The following TRPV3 variants were observed in gnomAD, a reference collection of about 807,000 sequenced individuals.
The protein encoded by TRPV3 is transient receptor potential cation channel subfamily V member 3, also known as VRL-3.
A neutral mutation model predicts 87.1 loss-of-function variants in TRPV3; 88 were observed. The observed-to-expected ratio is 1.01, with a 90% CI of 0.85 to 1.21. The LOEUF is 1.21. Among genes scored for constraint, TRPV3 ranks in the 50% most tolerant of loss-of-function variants. The pLI is 0.00. For missense variants in TRPV3, 1,054 were observed against 1,030.1 expected (o/e 1.02, Z -0.32); for synonymous variants, 438 against 423.3 (o/e 1.03, Z -0.43).
intron 12 of TRPV3, among the ~76,000 whole-genome samples, chr17:3,526,633 C>T (rs371241589): frequency 2.0e-4 from 31 of 152,300 alleles, no homozygotes; most frequent in Middle Eastern, 3.4e-3. Flanking sequence ...CAGGCGTGAG[C>T]CACTGGGCCC....
At chr17:3,534,403 A>G (rs2074380294) in intron 7 of TRPV3, among the ~76,000 whole-genome samples, 1 of 152,076 alleles carries the variant, frequency 6.6e-6, no homozygotes, top group Middle Eastern at 3.2e-3. Context: ...AAAAAAATAA[A>G]AATAAAAAAA....
intron 6 of TRPV3, among the ~76,000 whole-genome samples, chr17:3,540,721 C>G (rs1158945963): frequency 1.3e-5 from 2 of 152,170 alleles, no homozygotes; most frequent in African/African-American, 4.8e-5. Context: ...ACAAAGGGGA[C>G]TGAAAAGGGA....
rs1349416201 is a variant in TRPV3 at position 3,530,205 on chromosome 17, T to C, written c.1066-2A>G. ...ACGACTGAGGATGTACTTCAGGATC[T>C]GGGACAGGAGGAGGAACAACCATCA... is the stretch of plus-strand genomic sequence containing the variant. On this transcript the variant is annotated splice_acceptor_variant, in intron 8 of 17. Transcript: ENST00000576742. LOFTEE classifies it high-confidence loss of function. The surrounding 1 kb of genome is among the most constrained non-coding windows in gnomAD (Gnocchi z 4.0). 5 of 1,609,670 alleles carry C rather than the reference T, an allele frequency of 3.1e-6. No homozygotes were observed. The South Asian group carries it at 5.5e-5, about 18-fold the overall frequency.
chr17:3,547,306 A>G (rs1484232733), intron 2 of TRPV3, among the ~76,000 whole-genome samples: 4 of 152,190 alleles, frequency 2.6e-5, no homozygotes, highest in Admixed American at 2.6e-4. Flanking sequence ...GCTGTTTGTC[A>G]CAGCAGAAAA....
chr17:3,524,974 T>A (rs2074282580), intron 12 of TRPV3, among the ~76,000 whole-genome samples: 1 of 152,106 alleles, frequency 6.6e-6, no homozygotes, highest in African/African-American at 2.4e-5. Flanking sequence ...AAGCCAATCA[T>A]AGCAAAAGTC....
At position 3,551,614 on chromosome 17, in the gene TRPV3, G is replaced by A. The variant is rs139266795; in HGVS notation, c.119+3118C>T. Among the ~76,000 whole-genome samples the A allele has an allele frequency of 1.1e-3, 175 of 152,312 alleles. 1 individual carries two copies. Among genetic ancestry groups the A allele is most frequent in the African/African-American group, 4.1e-3 (169 of 41,574 alleles). On this transcript the variant is annotated intron_variant, in intron 2 of 17. Coordinates refer to ENST00000576742, the MANE Select transcript of TRPV3 (RefSeq NM_145068.4). ...TTGCTTTGTGCCAAGAAATGCCCAA[G>A]TGTTCTGGGCTCTGCAAGGCCAGTG...
At position 3,545,286 on chromosome 17, in the gene TRPV3, A is replaced by G; in HGVS notation, c.120-15T>C. The G allele has an allele frequency of 6.3e-7, 1 of 1,598,250 alleles. No homozygotes were observed. Among genetic ancestry groups the G allele is most frequent in the East Asian group, 2.2e-5 (1 of 44,768 alleles). ...AGAAGTGTGCACTGAGGGAACACGG[A>G]GGAAGCCTGTTAGGGCCGAGCCAGG... is the stretch of plus-strand genomic sequence containing the variant. On this transcript the variant is annotated splice_polypyrimidine_tract_variant and intron_variant, in intron 2 of 17. Coordinates refer to ENST00000576742, the MANE Select transcript of TRPV3 (RefSeq NM_145068.4).
rs2074641466 is a variant in TRPV3 at position 3,557,266 on chromosome 17, C to A, written c.-3+410G>T. ...ACTCAGCACCTGTGAGATGCCTGGG[C>A]CCCGTCTGTCTCCCACGGTGGGGCC... On this transcript the variant is annotated intron_variant, in intron 1 of 17. Coordinates refer to ENST00000576742, the MANE Select transcript of TRPV3 (RefSeq NM_145068.4). This position sits in a 1 kb window ranked among gnomAD's most constrained non-coding sequence, Gnocchi z 4.5. Among the ~76,000 whole-genome samples the A allele has an allele frequency of 6.6e-6, 1 of 152,132 alleles. No homozygotes were observed. Among genetic ancestry groups the A allele is most frequent in the South Asian group, 2.1e-4 (1 of 4,834 alleles).
At chr17:3,517,619 CAAAAAAAAAAA>C (rs34610978) in intron 15 of TRPV3, among the ~76,000 whole-genome samples, 1 of 65,358 alleles carries the variant, frequency 1.5e-5, no homozygotes, top group Non-Finnish European at 2.6e-5. Context: ...GACCCTGTCT[CAAAAAAAAAAA>C]AAAAAAAAAA....
In TRPV3 at chr17:3,535,583, G is replaced by T. The variant is rs747886909; in HGVS notation, c.774C>A (p.Gly258=). Residue 258 remains glycine (G), a synonymous_variant, in exon 7 of 18, where the codon GGC becomes GGA. Coordinates refer to ENST00000576742, the MANE Select transcript of TRPV3 (RefSeq NM_145068.4). ...GGGGGCGGCACCCACCGAAGTAGAA[G>T]CCTTCGTGTTGGTACTTGGGGTTGA... The part of the protein sequence containing the change: ...AFFNPKYQHE[G]FYFGETPLAL... 5 of 1,603,762 alleles carry T rather than the reference G, an allele frequency of 3.1e-6. No homozygotes were observed. The highest frequency in any genetic ancestry group is 4.3e-6 in the Non-Finnish European group (5 of 1,176,252).
chr17:3,543,794 C>T (rs2074492263), intron 4 of TRPV3, among the ~76,000 whole-genome samples, 166 bp from the exon 5 acceptor site: 2 of 152,146 alleles, frequency 1.3e-5, no homozygotes, highest in African/African-American at 2.4e-5. Flanking sequence ...CATCAGGCTC[C>T]CCTTGTAATC....
chr17:3,519,890 T>TGGATGGATGGA (rs1567630908), intron 14 of TRPV3, among the ~76,000 whole-genome samples: 1 of 33,454 alleles, frequency 3.0e-5, no homozygotes, highest in Non-Finnish European at 6.3e-5. Context: ...GGATGGATGA[T>TGGATGGATGGA]TGGATGGATG....
intron 13 of TRPV3, 103 bp downstream of exon 13, chr17:3,524,095 C>G: frequency 6.9e-7 from 1 of 1,453,276 alleles, no homozygotes; most frequent in Non-Finnish European, 9.4e-7. Flanking sequence ...AGAGCAGTGA[C>G]CTGCCCCTTG....
At chr17:3,553,781 A>G (rs117004749) in intron 2 of TRPV3, 3,724 of 152,416 alleles carry the variant, frequency 0.024, 71 homozygotes, top group Non-Finnish European at 0.037. Flanking sequence ...CCTTATCCTG[A>G]GCCCAACCCT....
intron 2 of TRPV3, chr17:3,552,625 C>T (rs564577882): frequency 6.6e-6 from 1 of 152,406 alleles, no homozygotes; most frequent in African/African-American, 2.4e-5. Context: ...ATTTAGGAGA[C>T]ATGCCAAGCT....
At chr17:3,533,176 C>T (rs2074366487) in intron 7 of TRPV3, among the ~76,000 whole-genome samples, 1 of 152,204 alleles carries the variant, frequency 6.6e-6, no homozygotes, top group African/African-American at 2.4e-5. Flanking sequence ...AGCAGCCAGA[C>T]CAACCTGTTA....
Position 3,510,792 on chromosome 17 carries a change from C to A in TRPV3, c.*3125G>T, listed in dbSNP as rs1410975735. The stretch of plus-strand genomic sequence containing the variant: ...GACGGCCCATCTACCTGGGCCCTGC[C>A]CAGAGCGAAAGGTCACAGGTCACCA... On this transcript the variant is annotated 3_prime_UTR_variant, in exon 18 of 18. Transcript: ENST00000576742. The A allele has an allele frequency of 6.6e-6, 1 of 152,156 alleles. No individual in the cohort carries two copies. The highest frequency in any genetic ancestry group is 1.5e-5 in the Non-Finnish European group (1 of 68,034). 9.4% of individuals were successfully genotyped at this position (152,156 alleles called of 1,614,324 possible).
rs765877893 is a variant in TRPV3 at position 3,544,642 on chromosome 17, A to G, written c.248T>C (p.Met83Thr). 4 of 1,609,886 alleles carry G rather than the reference A, an allele frequency of 2.5e-6. No individual in the cohort carries two copies. Among genetic ancestry groups the G allele is most frequent in the East Asian group, 4.5e-5 (2 of 44,668 alleles). ...ATCCTGAGGAGACTGGGGGGAGTCC[A>G]TGTCATCACAGTTACCAGAGATGCT... ...RQCISGNCDD[M>T]DSPQSPQDDV... is the part of the protein sequence containing the mutation. The change falls in exon 4 of 18, where the codon ATG becomes ACG. Residue 83 changes from methionine to threonine, a missense_variant. Met to Thr is a moderately conservative substitution (Grantham distance 81, BLOSUM62 -1). Transcript: ENST00000576742.
Position 3,526,854 on chromosome 17 carries a change from A to G in TRPV3, c.1577T>C (p.Phe526Ser). The part of the protein sequence containing the change: ...ILSDAWFHFV[F>S]FIQAVLVILS... ...TAACCAAGGGGCCAGACCTACTTACAAGACAAAGTGGAACCAGGCATCCGA... is the reference window on the plus strand; with the variant it reads ...TAACCAAGGGGCCAGACCTACTTACGAGACAAAGTGGAACCAGGCATCCGA... Residue 526 changes from phenylalanine to serine, a missense_variant and splice_region_variant, in exon 12 of 18, where the codon TTT becomes TCT. Coordinates refer to ENST00000576742, the MANE Select transcript of TRPV3 (RefSeq NM_145068.4). 1 of 1,610,194 alleles carries G rather than the reference A, an allele frequency of 6.2e-7. No individual in the cohort carries two copies. Among genetic ancestry groups the G allele is most frequent in the African/African-American group, 1.3e-5 (1 of 75,000 alleles).
Sources: allele counts gnomAD v4.1 joint callset (sites outside exome capture counted in the v4.1 genomes callset), GRCh38; gene constraint gnomAD v4.1.1; non-coding constraint Gnocchi (gnomAD v3.1); transcripts MANE v1.5; gene names NCBI Gene and HGNC (gene_info 2026-07-23, HGNC 2026-07-21).